Variants in SLC25A21 observed in about 807,000 individuals in gnomAD.
SLC25A21 encodes solute carrier family 25 member 21, also known as mitochondrial 2-oxodicarboxylate carrier.
A neutral mutation model predicts 43.8 loss-of-function variants in SLC25A21; 47 were observed. The ratio of observed to expected loss-of-function variants is 1.07; its 90% CI spans 0.85 to 1.37. SLC25A21 has a LOEUF of 1.37. Ranked by LOEUF, SLC25A21 falls within the 40% of genes most tolerant of loss-of-function variation. The pLI is 0.00. For missense variants in SLC25A21, 352 were observed against 350.2 expected (o/e 1.00, Z -0.04); for synonymous variants, 131 against 121.3 (o/e 1.08, Z -0.52).
At chr14:36,845,354 C>A (rs1448012286) in intron 2 of SLC25A21, among the ~76,000 whole-genome samples, 1 of 152,078 alleles carries the variant, frequency 6.6e-6, no homozygotes, top group East Asian at 1.9e-4. Flanking sequence ...TGTGAAAAAA[C>A]TGGATTGAAA....
intron 1 of SLC25A21, among the ~76,000 whole-genome samples, chr14:36,996,803 A>T (rs573541973): frequency 1.7e-4 from 26 of 152,294 alleles, no homozygotes; most frequent in Non-Finnish European, 2.9e-4. Context: ...GTCTCCTCAG[A>T]GTGTGTTCCA....
At position 36,679,806 on chromosome 14, in the gene SLC25A21, T is replaced by G. The variant is rs890362327; in HGVS notation, c.*852A>C. The G allele has an allele frequency of 3.9e-5, 38 of 985,040 alleles. No homozygotes were observed. Among genetic ancestry groups the G allele is most frequent in the African/African-American group, 3.1e-4 (18 of 57,222 alleles). 61.0% of individuals were successfully genotyped at this position (985,040 alleles called of 1,614,324 possible). A position where few individuals can be genotyped will look rare whatever the true frequency, so the allele number is the denominator to read the frequency against. ...GATGGCTGACAAATGGGTCCAAAGG[T>G]GTTTCCAATTTGTGATTTAACATGA... On this transcript the variant is annotated 3_prime_UTR_variant, in exon 10 of 10. Coordinates refer to ENST00000331299, the MANE Select transcript of SLC25A21 (RefSeq NM_030631.4).
chr14:37,066,484 A>G (rs1962062779), intron 1 of SLC25A21, among the ~76,000 whole-genome samples: 2 of 152,086 alleles, frequency 1.3e-5, no homozygotes, highest in Admixed American at 1.3e-4. Flanking sequence ...GATGAAATAA[A>G]AAGCATTGTA....
In SLC25A21 at chr14:37,007,599, A is replaced by AT. The variant is rs1268814627; in HGVS notation, c.71-132596_71-132595insA. 2.4e-3 allele frequency among the ~76,000 whole-genome samples: 315 copies of AT among 132,986 alleles called. 1 individual carries two copies. The highest frequency in any genetic ancestry group is 0.01 in the African/African-American group (291 of 28,566). The allele number at this position is 132,986 out of a possible 152,430, so 87.2% of individuals were successfully genotyped here. On this transcript the variant is annotated intron_variant, in intron 1 of 9. Transcript: ENST00000331299. Reference sequence around the variant, plus strand: ...GCCTGACAGACAAGACTCCCTCTCAAAAATAATAATAATAATAATAATAAA... The same window carrying AT: ...GCCTGACAGACAAGACTCCCTCTCAATAAATAATAATAATAATAATAATAAA...
chr14:36,778,710 T>C (rs1419795214), intron 3 of SLC25A21, among the ~76,000 whole-genome samples: 1 of 152,190 alleles, frequency 6.6e-6, no homozygotes, highest in East Asian at 1.9e-4. Context: ...AAATAAAAAT[T>C]GTTTATATTT....
intron 2 of SLC25A21, among the ~76,000 whole-genome samples, chr14:36,832,027 G>A (rs1889056723): frequency 6.6e-6 from 1 of 152,136 alleles, no homozygotes; most frequent in Non-Finnish European, 1.5e-5. Flanking sequence ...GTCTTTGTTA[G>A]TTTGATAAAA....
intron 1 of SLC25A21, among the ~76,000 whole-genome samples, chr14:37,038,207 T>C (rs764335334): frequency 3.9e-5 from 6 of 152,268 alleles, no homozygotes; most frequent in Non-Finnish European, 4.4e-5. Flanking sequence ...ATGACACTCA[T>C]TGTCCTTTGT....
intron 1 of SLC25A21, among the ~76,000 whole-genome samples, chr14:37,125,652 T>C (rs1351473925): frequency 1.3e-5 from 2 of 152,210 alleles, no homozygotes; most frequent in East Asian, 3.9e-4. Flanking sequence ...GTAACAACTA[T>C]ATTCTAGTAG....
chr14:36,766,690 G>A (rs1285370303), intron 3 of SLC25A21, among the ~76,000 whole-genome samples: 1 of 152,004 alleles, frequency 6.6e-6, no homozygotes, highest in African/African-American at 2.4e-5. Flanking sequence ...TCCATGTATC[G>A]ACTCTCATTT....
chr14:37,157,082 C>T (rs1280828412), intron 1 of SLC25A21, among the ~76,000 whole-genome samples: 1 of 152,158 alleles, frequency 6.6e-6, no homozygotes, highest in Non-Finnish European at 1.5e-5. Context: ...TCACGCCCAG[C>T]ACGGTGGCTC....
At chr14:37,071,139 C>G (rs772603969) in intron 1 of SLC25A21, among the ~76,000 whole-genome samples, 1 of 152,140 alleles carries the variant, frequency 6.6e-6, no homozygotes, top group Non-Finnish European at 1.5e-5. Context: ...TCCAATAGAT[C>G]GTCAAGGGCA....
chr14:37,040,373 GAGAAAGAAAGAAAGAAAGAAAGAA>G lies in SLC25A21; in HGVS notation c.70+131884_70+131907del, dbSNP rs767966979. On this transcript the variant is annotated intron_variant, in intron 1 of 9. Transcript: ENST00000331299. Reference sequence around the variant, plus strand: ...GGAAGGAAAGAAAGAGAGAGAGAGAGAGAAAGAAAGAAAGAAAGAAAGAAAGAAAGAAAGAAAGAAAGAAAGAAA... The same window carrying G: ...GGAAGGAAAGAAAGAGAGAGAGAGAGAGAAAGAAAGAAAGAAAGAAAGAAA... Among the ~76,000 whole-genome samples the G allele has an allele frequency of 8.1e-4, 17 of 20,942 alleles. 2 individuals are homozygous for G. The highest frequency in any genetic ancestry group is 2.2e-3 in the South Asian group (1 of 454). 13.7% of individuals were successfully genotyped at this position (20,942 alleles called of 152,430 possible).
At chr14:36,756,105 A>G (rs1439158963) in intron 3 of SLC25A21, among the ~76,000 whole-genome samples, 2 of 152,212 alleles carry the variant, frequency 1.3e-5, no homozygotes, top group Admixed American at 1.3e-4. Context: ...CTGGCACACC[A>G]TTCTCATTTG....
intron 1 of SLC25A21, among the ~76,000 whole-genome samples, chr14:36,882,266 C>G (rs1890754724): frequency 6.6e-6 from 1 of 152,118 alleles, no homozygotes; most frequent in African/African-American, 2.4e-5. Flanking sequence ...ACCTGTAGTC[C>G]CAGCTACTTG....
intron 6 of SLC25A21, among the ~76,000 whole-genome samples, chr14:36,718,946 G>C (rs1884263634): frequency 6.6e-6 from 1 of 152,076 alleles, no homozygotes; most frequent in African/African-American, 2.4e-5. Flanking sequence ...TCATATTTGG[G>C]GTGAGAATGA....
chr14:36,866,078 C>T (rs1039739412), intron 2 of SLC25A21, among the ~76,000 whole-genome samples: 3 of 152,120 alleles, frequency 2.0e-5, no homozygotes, highest in African/African-American at 7.2e-5. Flanking sequence ...CCACTTTCTC[C>T]CATTCCCCAG....
At chr14:36,972,231 T>G (rs1292553985) in intron 1 of SLC25A21, among the ~76,000 whole-genome samples, 1 of 152,192 alleles carries the variant, frequency 6.6e-6, no homozygotes, top group African/African-American at 2.4e-5. Context: ...TGTAGTAAAC[T>G]ATCCCATTTA....
At chr14:37,095,390 T>C (rs540441173) in intron 1 of SLC25A21, among the ~76,000 whole-genome samples, 16 of 152,190 alleles carry the variant, frequency 1.1e-4, no homozygotes, top group African/African-American at 2.9e-4. Context: ...TGGTGGCACA[T>C]GCCTGTAAGC....
chr14:36,733,899 A>G (rs1015601719), intron 4 of SLC25A21, among the ~76,000 whole-genome samples: 1 of 152,170 alleles, frequency 6.6e-6, no homozygotes, highest in Non-Finnish European at 1.5e-5. Flanking sequence ...CTGAACTAGC[A>G]AGTAGTACAT....
Sources: allele counts gnomAD v4.1 joint callset (sites outside exome capture counted in the v4.1 genomes callset), GRCh38; gene constraint gnomAD v4.1.1; transcripts MANE v1.5; gene names NCBI Gene and HGNC (gene_info 2026-07-23, HGNC 2026-07-21).